The following ABCA10 variants were observed in gnomAD, a reference collection of about 807,000 sequenced individuals.
The protein encoded by ABCA10 is ATP-binding cassette sub-family A member 10.
Under a neutral mutation model 187.5 loss-of-function variants are expected in ABCA10, and 169 were observed. The observed-to-expected ratio is 0.90, with a 90% CI of 0.80 to 1.02. The LOEUF (loss-of-function observed/expected upper bound fraction) is 1.02, where lower values mean the gene tolerates loss of function less well. Ranked by LOEUF, ABCA10 falls within the 50% of genes least tolerant of loss-of-function variation. The pLI is 0.00. For missense variants in ABCA10, 1,727 were observed against 1,812.4 expected, an observed-to-expected ratio of 0.95 and a Z score of 0.86; for synonymous variants, 574 against 601.8, an observed-to-expected ratio of 0.95 and a Z score of 0.68.
intron 9 of ABCA10, among the ~76,000 whole-genome samples, chr17:69,204,400 C>CA (rs1373228855): frequency 6.6e-6 from 1 of 152,118 alleles, no homozygotes; most frequent in African/African-American, 2.4e-5. Context: ...TGGCTGTGGA[C>CA]AAAATGTGTT....
chr17:69,187,782 T>C lies in ABCA10; in HGVS notation c.2229A>G (p.Arg743=). The C allele has an allele frequency of 6.2e-7, 1 of 1,613,948 alleles. No individual in the cohort carries two copies. Among genetic ancestry groups the C allele is most frequent in the African/African-American group, 1.3e-5 (1 of 75,064 alleles). ...AGAGAGCTGCACTACTGACAGCCTT[T>C]CTTGTTTCAGGAAGAGAACAAAGAA... is the stretch of plus-strand genomic sequence containing the variant. ...EQVLCSLPET[R]KAVSSAALWR... The change falls in exon 19 of 39, where the codon AGA becomes AGG. Residue 743 remains arginine, a synonymous_variant. Coordinates refer to ENST00000690296, the MANE Select transcript of ABCA10 (RefSeq NM_001377321.1).
At chr17:69,244,623 A>G (rs2074930555) in exon 1 of ABCA10, 1 of 151,718 alleles carries the variant, frequency 6.6e-6, no homozygotes, top group Non-Finnish European at 1.5e-5. Flanking sequence ...TAAAAAATCA[A>G]TGTTAGCAAA....
chr17:69,148,638 T>C lies in ABCA10; in HGVS notation c.*189A>G. Reference sequence around the variant, plus strand: ...AACATGTCTGATTTTGTTAATTTTGTCTACTACTTTTCCCTATATTTCCTT... The same window carrying C: ...AACATGTCTGATTTTGTTAATTTTGCCTACTACTTTTCCCTATATTTCCTT... On this transcript the variant is annotated 3_prime_UTR_variant, in exon 39 of 39. Transcript: ENST00000690296. 1.8e-6 allele frequency: 1 copy of C among 550,048 alleles called. No homozygotes were observed. 34.1% of individuals were successfully genotyped at this position (550,048 alleles called of 1,614,324 possible). A position where few individuals can be genotyped will look rare whatever the true frequency, so the allele number is the denominator to read the frequency against.
intron 32 of ABCA10, 124 bp downstream of exon 32, chr17:69,153,707 T>C (rs2074148983): frequency 1.0e-5 from 15 of 1,445,340 alleles, no homozygotes; most frequent in Middle Eastern, 2.5e-4. Flanking sequence ...TATTCAGGTA[T>C]TTGAATCATT....
chr17:69,154,436 T>A, intron 30 of ABCA10, 110 bp from the exon 31 acceptor site: 1 of 850,002 alleles, frequency 1.2e-6, no homozygotes, highest in South Asian at 1.8e-5. Context: ...TTTTTTTTTT[T>A]TTTTCAGAGA....
chr17:69,179,882 C>G (rs1263238766), intron 22 of ABCA10, among the ~76,000 whole-genome samples: 2 of 152,140 alleles, frequency 1.3e-5, no homozygotes, highest in African/African-American at 4.8e-5. Flanking sequence ...GCAGGGTGAA[C>G]TACAGTGGTT....
intron 27 of ABCA10, among the ~76,000 whole-genome samples, chr17:69,160,752 T>C (rs1028991943): frequency 3.3e-5 from 5 of 152,154 alleles, no homozygotes; most frequent in Admixed American, 3.3e-4. Context: ...GACTACTATA[T>C]AAAAAAATAA....
At chr17:69,190,530 T>G (rs1016205837) in intron 17 of ABCA10, 53 bp from the exon 18 acceptor site, 2 of 1,442,726 alleles carry the variant, frequency 1.4e-6, no homozygotes, top group Non-Finnish European at 1.8e-6. Flanking sequence ...AATGAGTATA[T>G]TAAAATACTA....
At chr17:69,239,368 A>C (rs958918653) in intron 1 of ABCA10, among the ~76,000 whole-genome samples, 2 of 152,202 alleles carry the variant, frequency 1.3e-5, no homozygotes, top group African/African-American at 2.4e-5. Flanking sequence ...GAGCTGCAAA[A>C]GATACATATT....
At chr17:69,149,542 T>G (rs2074113139) in intron 37 of ABCA10, among the ~76,000 whole-genome samples, 1 of 152,166 alleles carries the variant, frequency 6.6e-6, no homozygotes, top group Admixed American at 6.6e-5. Context: ...CCCTCTGTGT[T>G]TTCTTTCGCT....
Position 69,152,444 on chromosome 17 carries a change from C to T in ABCA10, c.4174G>A (p.Gly1392Ser). 1.2e-6 allele frequency: 2 copies of T among 1,613,812 alleles called. No individual in the cohort carries two copies. The highest frequency in any genetic ancestry group is 2.7e-5 in the African/African-American group (2 of 74,998). Reference sequence around the variant, plus strand: ...ATGTAATGGGTGGTCAAGAGGGTGCCCCTCTCCTTGTTTTTAACGGTAGCC... The same window carrying T: ...ATGTAATGGGTGGTCAAGAGGGTGCTCCTCTCCTTGTTTTTAACGGTAGCC... ...LQATVKNKERGTLLTTHYMSE... is the reference protein window; with the variant it reads ...LQATVKNKERSTLLTTHYMSE... Residue 1392 changes from glycine to serine, a missense_variant, in exon 35 of 39, where the codon GGC (glycine) becomes AGC (serine). Physicochemically the swap from Gly to Ser is moderately conservative, Grantham distance 56 (BLOSUM62 0). Transcript: ENST00000690296.
In ABCA10 at chr17:69,184,882, C is replaced by T. The variant is rs531941738; in HGVS notation, c.2497+595G>A. ...GTGTGTGTGTGTGTGTATATATATA[C>T]ACACACACACATACATATATATAAC... On this transcript the variant is annotated intron_variant, in intron 20 of 38. Transcript: ENST00000690296. 1.7e-3 allele frequency among the ~76,000 whole-genome samples: 225 copies of T among 134,848 alleles called. 3 individuals are homozygous for T. Among genetic ancestry groups the T allele is most frequent in the South Asian group, 8.1e-3 (37 of 4,576 alleles). 88.5% of individuals were successfully genotyped at this position (134,848 alleles called of 152,430 possible). A position where few individuals can be genotyped will look rare whatever the true frequency, so the allele number is the denominator to read the frequency against.
At chr17:69,167,680 A>G (rs890343862) in intron 25 of ABCA10, among the ~76,000 whole-genome samples, 1 of 152,174 alleles carries the variant, frequency 6.6e-6, no homozygotes, top group East Asian at 1.9e-4. Flanking sequence ...ATGTAGAAGA[A>G]GCAGTGCCAG....
intron 3 of ABCA10, chr17:69,223,829 G>A (rs2074771640): frequency 3.7e-6 from 1 of 269,258 alleles, no homozygotes; most frequent in Non-Finnish European, 7.4e-6. Flanking sequence ...AGGCGAGCAT[G>A]GTAGCTGGAA....
chr17:69,182,835 GAAAA>G (rs60708995), intron 20 of ABCA10, 27 bp from the exon 21 acceptor site: 489 of 1,324,392 alleles, frequency 3.7e-4, no homozygotes, highest in Admixed American at 2.4e-3. Flanking sequence ...AAGGCAACAA[GAAAA>G]AAAAAAAAAA....
At chr17:69,195,732 G>A (rs1382494317) in intron 11 of ABCA10, among the ~76,000 whole-genome samples, 8 of 151,390 alleles carry the variant, frequency 5.3e-5, no homozygotes, top group Non-Finnish European at 1.2e-4. Context: ...TGTGTCCCTG[G>A]GTACTTGAGA....
chr17:69,187,906 A>AT, intron 18 of ABCA10, 27 bp from the exon 19 acceptor site: 1 of 1,598,404 alleles, frequency 6.3e-7, no homozygotes, highest in Non-Finnish European at 8.6e-7. Flanking sequence ...AAACATTTTA[A>AT]TAGGCTATGT....
chr17:69,242,738 C>A (rs751393245), intron 1 of ABCA10, among the ~76,000 whole-genome samples: 1 of 152,160 alleles, frequency 6.6e-6, no homozygotes, highest in Non-Finnish European at 1.5e-5. Context: ...TGGGCCACTG[C>A]ACCCGGTCTG....
chr17:69,209,671 T>A (rs1012727330), intron 9 of ABCA10, among the ~76,000 whole-genome samples: 2 of 151,922 alleles, frequency 1.3e-5, no homozygotes, highest in African/African-American at 2.4e-5. Flanking sequence ...TTTATGGAGC[T>A]AAATAAGTAC....
Sources: gnomAD v4.1 joint callset for allele counts (sites outside exome capture counted in the v4.1 genomes callset) on GRCh38, gnomAD v4.1.1 for gene constraint, MANE v1.5 for transcripts, NCBI Gene and HGNC (gene_info 2026-07-23, HGNC 2026-07-21) for gene names.